EPHA7: variants seen among roughly 807,000 people sequenced by gnomAD.
EPHA7 encodes the protein ephrin type-A receptor 7.
EPHA7 carries 25 observed loss-of-function variants against 112.6 expected under a neutral mutation model. That is an observed-to-expected ratio of 0.22 (90% CI 0.16 to 0.31). EPHA7 has a LOEUF of 0.31. Among genes scored for constraint, EPHA7 ranks in the 10% least tolerant of loss-of-function variants. The pLI is 1.00. For missense variants in EPHA7, 962 were observed against 1,212.6 expected (o/e 0.79, Z 3.07); for synonymous variants, 437 against 406.5 (o/e 1.07, Z -0.90).
chr6:93,348,277 G>A (rs1775505094), intron 5 of EPHA7, among the ~76,000 whole-genome samples: 1 of 151,620 alleles, frequency 6.6e-6, no homozygotes, highest in African/African-American at 2.4e-5. Context: ...GTGATGTGCT[G>A]TAGCCTTAAA....
chr6:93,265,006 C>A (rs1450448919), intron 7 of EPHA7, among the ~76,000 whole-genome samples: 1 of 151,610 alleles, frequency 6.6e-6, no homozygotes, highest in African/African-American at 2.4e-5. Flanking sequence ...CACATCTGAT[C>A]TGCATGTGCT....
In EPHA7 at chr6:93,254,650, T is replaced by C; in HGVS notation, c.2529A>G (p.Gln843=). 1 of 1,611,546 alleles carries C rather than the reference T, an allele frequency of 6.2e-7. No individual in the cohort carries two copies. Among genetic ancestry groups the C allele is most frequent in the Non-Finnish European group, 8.5e-7 (1 of 1,178,298 alleles). ...TTTAAATGAATGTAACACCTACATC[T>C]TGATTTGACATGTCCCAATAAGGTC... ...GERPYWDMSN[Q]DVIKAIEEGY... Residue 843 remains glutamine, a synonymous_variant, in exon 14 of 17, where the codon CAA becomes CAG. Coordinates refer to ENST00000369303, the MANE Select transcript of EPHA7 (RefSeq NM_004440.4).
intron 3 of EPHA7, among the ~76,000 whole-genome samples, chr6:93,398,364 A>G (rs1778280080): frequency 6.6e-6 from 1 of 152,028 alleles, no homozygotes; most frequent in Non-Finnish European, 1.5e-5. Context: ...AAATGTTACA[A>G]AAGAGACTAT....
intron 3 of EPHA7, among the ~76,000 whole-genome samples, chr6:93,369,705 A>G (rs1003261878): frequency 6.6e-6 from 1 of 152,180 alleles, no homozygotes; most frequent in Non-Finnish European, 1.5e-5. Flanking sequence ...CCTCAAGTTC[A>G]GGGATTATAA....
chr6:93,389,880 T>C (rs1399093716), intron 3 of EPHA7, among the ~76,000 whole-genome samples: 4 of 151,958 alleles, frequency 2.6e-5, no homozygotes, highest in South Asian at 2.1e-4. Context: ...AGGAATAAGA[T>C]ACACAAAATC....
chr6:93,284,293 C>T (rs1290462979), intron 5 of EPHA7, among the ~76,000 whole-genome samples: 1 of 151,678 alleles, frequency 6.6e-6, no homozygotes, highest in African/African-American at 2.4e-5. Context: ...TTGCAGAATT[C>T]TTCCTCGTTA....
At chr6:93,278,732 G>A (rs1396986857) in intron 5 of EPHA7, among the ~76,000 whole-genome samples, 1 of 151,852 alleles carries the variant, frequency 6.6e-6, no homozygotes, top group African/African-American at 2.4e-5. Context: ...TGTTGTGTGT[G>A]TGTGTGTGAA....
At chr6:93,263,133 T>C (rs1351045419) in intron 9 of EPHA7, among the ~76,000 whole-genome samples, 1 of 151,374 alleles carries the variant, frequency 6.6e-6, no homozygotes, top group East Asian at 1.9e-4. Flanking sequence ...CATCATCAAC[T>C]ATCATAACTG....
chr6:93,283,879 T>C (rs1286272053), intron 5 of EPHA7, among the ~76,000 whole-genome samples: 2 of 152,172 alleles, frequency 1.3e-5, no homozygotes, highest in Non-Finnish European at 2.9e-5. Context: ...AAAATAAAGA[T>C]ATATAATATG....
chr6:93,273,633 T>C (rs140093122), intron 5 of EPHA7, among the ~76,000 whole-genome samples: 1 of 152,042 alleles, frequency 6.6e-6, no homozygotes, highest in Non-Finnish European at 1.5e-5. Flanking sequence ...ACGAGGGCAG[T>C]TTAAGTGGGA....
At chr6:93,338,540 A>C (rs1774986904) in intron 5 of EPHA7, among the ~76,000 whole-genome samples, 1 of 151,996 alleles carries the variant, frequency 6.6e-6, no homozygotes, top group African/African-American at 2.4e-5. Context: ...TTTGGCTATA[A>C]ATAGGCTTAA....
chr6:93,272,253 G>A (rs1412757744), intron 6 of EPHA7, 45 bp downstream of exon 6: 2 of 1,605,944 alleles, frequency 1.2e-6, no homozygotes, highest in Non-Finnish European at 1.7e-6. Flanking sequence ...AGGATGACAT[G>A]AGACACACAG....
chr6:93,282,992 G>C (rs987047944), intron 5 of EPHA7, among the ~76,000 whole-genome samples: 3 of 152,220 alleles, frequency 2.0e-5, no homozygotes, highest in Non-Finnish European at 4.4e-5. Flanking sequence ...AGGAGTGCAG[G>C]AGCAGGGCGC....
intron 10 of EPHA7, 142 bp downstream of exon 10, chr6:93,259,212 G>A (rs943950757): frequency 3.2e-6 from 3 of 934,084 alleles, no homozygotes; most frequent in African/African-American, 3.3e-5. Context: ...TCATAAACAA[G>A]TACAGCCTCA....
intron 5 of EPHA7, among the ~76,000 whole-genome samples, chr6:93,314,175 A>G (rs1773677066): frequency 6.6e-6 from 1 of 152,074 alleles, no homozygotes; most frequent in African/African-American, 2.4e-5. Flanking sequence ...GCTGTCTCAA[A>G]ATTACATTAG....
chr6:93,362,809 TGA>T (rs67864511), intron 3 of EPHA7, among the ~76,000 whole-genome samples: 83,797 of 151,672 alleles, frequency 0.55, 23,178 homozygotes, highest in East Asian at 0.63. Context: ...TCTTCCTGAA[TGA>T]GGGCACAGAT....
chr6:93,377,546 A>C (rs1208000609), intron 3 of EPHA7, among the ~76,000 whole-genome samples: 1 of 11,898 alleles, frequency 8.4e-5, no homozygotes, highest in African/African-American at 2.4e-4. Flanking sequence ...AAGCTTTGAA[A>C]AACTAAAAAA....
rs187168420 is a variant in EPHA7, at chr6:93,240,047, T to C, written c.*3379A>G. The C allele has an allele frequency of 1.8e-4, 39 of 215,986 alleles. No individual in the cohort carries two copies. The highest frequency in any genetic ancestry group is 1.4e-3 in the Admixed American group (24 of 17,192). 13.4% of individuals were successfully genotyped at this position (215,986 alleles called of 1,614,324 possible). A position where few individuals can be genotyped will look rare whatever the true frequency, so the allele number is the denominator to read the frequency against. On this transcript the variant is annotated 3_prime_UTR_variant, in exon 17 of 17. Coordinates refer to ENST00000369303, the MANE Select transcript of EPHA7 (RefSeq NM_004440.4). The stretch of plus-strand genomic sequence containing the variant: ...TTCTTTACATTGTCTAATAGACTTG[T>C]TTATTATTTTAAGCTGGTAAAAAGA...
intron 8 of EPHA7, among the ~76,000 whole-genome samples, 176 bp from the exon 9 acceptor site, chr6:93,264,091 T>G (rs1022373016): frequency 2.0e-5 from 3 of 151,528 alleles, no homozygotes; most frequent in Non-Finnish European, 4.4e-5. Context: ...GAAAACAAAC[T>G]TTTTGTGTGA....
Sources: allele counts gnomAD v4.1 joint callset (sites outside exome capture counted in the v4.1 genomes callset), GRCh38; gene constraint gnomAD v4.1.1; transcripts MANE v1.5; gene names NCBI Gene and HGNC (gene_info 2026-07-23, HGNC 2026-07-21).